ATRNL1: variants seen among roughly 807,000 people sequenced by gnomAD.
ATRNL1 encodes attractin-like protein 1.
Under a neutral mutation model 182.7 loss-of-function variants are expected in ATRNL1, and 95 were observed. That is an observed-to-expected ratio of 0.52 (90% CI 0.44 to 0.62). The LOEUF (loss-of-function observed/expected upper bound fraction) is 0.62, where lower values mean the gene tolerates loss of function less well. Among genes scored for constraint, ATRNL1 ranks in the 20% least tolerant of loss-of-function variants. The pLI is 0.00. For missense variants in ATRNL1, 1,471 were observed against 1,679.5 expected, an observed-to-expected ratio of 0.88 and a Z score of 2.17; for synonymous variants, 576 against 568.3, an observed-to-expected ratio of 1.01 and a Z score of -0.19.
chr10:115,267,855 G>T (rs1851673100), intron 12 of ATRNL1, among the ~76,000 whole-genome samples: 1 of 152,020 alleles, frequency 6.6e-6, no homozygotes, highest in Non-Finnish European at 1.5e-5. Flanking sequence ...TCTGTCTCCT[G>T]GTTTCAAGCA....
At chr10:115,915,075 G>A (rs1316239686) in intron 28 of ATRNL1, among the ~76,000 whole-genome samples, 1 of 152,164 alleles carries the variant, frequency 6.6e-6, no homozygotes, top group Non-Finnish European at 1.5e-5. Flanking sequence ...AGTCAAATAT[G>A]TTTGTAAATG....
intron 9 of ATRNL1, among the ~76,000 whole-genome samples, chr10:115,218,654 T>C (rs1849323272): frequency 6.6e-6 from 1 of 152,168 alleles, no homozygotes; most frequent in Non-Finnish European, 1.5e-5. Flanking sequence ...ATGTCAGAAA[T>C]TCGAGAGTTT....
intron 27 of ATRNL1, among the ~76,000 whole-genome samples, chr10:115,731,795 C>T (rs1555062928): frequency 6.6e-6 from 1 of 151,758 alleles, no homozygotes; most frequent in African/African-American, 2.4e-5. Context: ...CCCTACCCCA[C>T]ATTTTTCTTC....
intron 26 of ATRNL1, among the ~76,000 whole-genome samples, chr10:115,618,512 ATT>A (rs374928571): frequency 6.7e-6 from 1 of 148,510 alleles, no homozygotes. Context: ...CCTTTTTACA[ATT>A]TTTTTTTTCC....
At chr10:115,168,426 C>T (rs538403069) in intron 7 of ATRNL1, among the ~76,000 whole-genome samples, 5 of 152,222 alleles carry the variant, frequency 3.3e-5, no homozygotes, top group Non-Finnish European at 1.5e-5. Context: ...TTTACATTCC[C>T]ACCAGCCATG....
intron 27 of ATRNL1, among the ~76,000 whole-genome samples, chr10:115,822,148 T>C (rs1950316637): frequency 6.6e-6 from 1 of 152,126 alleles, no homozygotes; most frequent in Non-Finnish European, 1.5e-5. Flanking sequence ...CACAACTACA[T>C]AGAAATTGAG....
At chr10:115,774,849 T>C (rs1412062045) in intron 27 of ATRNL1, among the ~76,000 whole-genome samples, 3 of 152,112 alleles carry the variant, frequency 2.0e-5, no homozygotes, top group East Asian at 3.9e-4. Context: ...TCAGTTATAG[T>C]TGGAGTTAGT....
At chr10:115,754,695 ATTC>A (rs1948539647) in intron 27 of ATRNL1, among the ~76,000 whole-genome samples, 1 of 152,162 alleles carries the variant, frequency 6.6e-6, no homozygotes, top group Non-Finnish European at 1.5e-5. Context: ...GTGTTTTCCA[ATTC>A]TGTGAAGAAA....
chr10:115,783,977 C>A (rs1384926670), intron 27 of ATRNL1, among the ~76,000 whole-genome samples: 3 of 152,146 alleles, frequency 2.0e-5, no homozygotes, highest in Non-Finnish European at 2.9e-5. Context: ...TGTGCCACTG[C>A]CCTCCAGCCT....
chr10:115,920,782 T>C (rs1555118521), intron 28 of ATRNL1, among the ~76,000 whole-genome samples: 2 of 152,126 alleles, frequency 1.3e-5, no homozygotes, highest in Non-Finnish European at 2.9e-5. Context: ...TCAGTACACA[T>C]AAAAAGAAGT....
chr10:115,152,641 A>G (rs1554880943), intron 5 of ATRNL1, among the ~76,000 whole-genome samples: 1 of 152,204 alleles, frequency 6.6e-6, no homozygotes, highest in African/African-American at 2.4e-5. Flanking sequence ...TTCTAAATAT[A>G]CAATCATGTC....
At chr10:115,811,291 T>G (rs2420119) in intron 27 of ATRNL1, among the ~76,000 whole-genome samples, 1 of 151,790 alleles carries the variant, frequency 6.6e-6, no homozygotes, top group East Asian at 1.9e-4. Flanking sequence ...TCCAGATTTT[T>G]AAATTTATTT....
chr10:115,396,993 A>G (rs896094076), intron 20 of ATRNL1, among the ~76,000 whole-genome samples: 1 of 151,938 alleles, frequency 6.6e-6, no homozygotes, highest in African/African-American at 2.4e-5. Flanking sequence ...TAATTTGTAA[A>G]GAGTATTTTG....
At chr10:115,709,118 G>A (rs1292705369) in intron 26 of ATRNL1, among the ~76,000 whole-genome samples, 2 of 151,782 alleles carry the variant, frequency 1.3e-5, no homozygotes, top group African/African-American at 4.8e-5. Flanking sequence ...GCAGAGACCA[G>A]TTAAATGTTC....
chr10:115,807,670 A>G (rs144253799), intron 27 of ATRNL1, among the ~76,000 whole-genome samples: 47 of 152,300 alleles, frequency 3.1e-4, no homozygotes, highest in African/African-American at 1.1e-3. Context: ...GCTTATGTTC[A>G]TTCTACAATC....
At chr10:115,439,023 TG>T (rs2134439513) in intron 21 of ATRNL1, among the ~76,000 whole-genome samples, 1 of 152,132 alleles carries the variant, frequency 6.6e-6, no homozygotes, top group Admixed American at 6.5e-5. Context: ...ACATATATTT[TG>T]TATGTTATAT....
chr10:115,211,783 C>T (rs1397000809), intron 8 of ATRNL1, among the ~76,000 whole-genome samples: 1 of 141,410 alleles, frequency 7.1e-6, no homozygotes, highest in Non-Finnish European at 1.5e-5. Context: ...CACAACAGTC[C>T]CTGGTGTGTG....
intron 13 of ATRNL1, among the ~76,000 whole-genome samples, chr10:115,276,433 T>C (rs187453527): frequency 4.1e-4 from 62 of 152,196 alleles, no homozygotes; most frequent in African/African-American, 1.4e-3. Context: ...AGTGGCATTT[T>C]GCTTTATATT....
chr10:115,815,863 A>C (rs782784683), intron 27 of ATRNL1, among the ~76,000 whole-genome samples: 5 of 152,102 alleles, frequency 3.3e-5, no homozygotes, highest in Admixed American at 1.3e-4. Context: ...CTGCCTTATA[A>C]TTCTTTTTAA....
Sources: allele counts gnomAD v4.1 joint callset (sites outside exome capture counted in the v4.1 genomes callset), GRCh38; gene constraint gnomAD v4.1.1; transcripts MANE v1.5; gene names NCBI Gene and HGNC (gene_info 2026-07-23, HGNC 2026-07-21).